The following MLLT3 variants were observed in gnomAD, a reference collection of about 807,000 sequenced individuals.
MLLT3 encodes the protein MLLT3 super elongation complex subunit, also known as protein AF-9.
A neutral mutation model predicts 53.2 loss-of-function variants in MLLT3; 4 were observed. The ratio of observed to expected loss-of-function variants is 0.08; its 90% CI spans 0.04 to 0.17. The LOEUF (loss-of-function observed/expected upper bound fraction) is 0.17, where lower values mean the gene tolerates loss of function less well. Ranked by LOEUF, MLLT3 falls within the 10% of genes least tolerant of loss-of-function variation. The pLI is 1.00. For missense variants in MLLT3, 569 were observed against 684.0 expected (o/e 0.83, Z 1.87); for synonymous variants, 283 against 230.6 (o/e 1.23, Z -2.06).
chr9:20,374,933 A>C (rs1026550798), intron 5 of MLLT3, among the ~76,000 whole-genome samples: 4 of 152,214 alleles, frequency 2.6e-5, no homozygotes, highest in African/African-American at 9.7e-5. Flanking sequence ...TGAGGTCATG[A>C]ACGTAGGGCC....
intron 2 of MLLT3, among the ~76,000 whole-genome samples, chr9:20,594,687 G>A (rs1174875407): frequency 2.6e-5 from 4 of 152,050 alleles, no homozygotes; most frequent in Non-Finnish European, 4.4e-5. Context: ...GCCAAAACCC[G>A]CCAAAACCCA....
chr9:20,528,144 T>A (rs1034289445), intron 2 of MLLT3, among the ~76,000 whole-genome samples: 14 of 152,216 alleles, frequency 9.2e-5, no homozygotes, highest in Admixed American at 2.0e-4. Flanking sequence ...CTAATGAGCA[T>A]CTAATTGAGG....
At chr9:20,574,160 A>G (rs1196022794) in intron 2 of MLLT3, among the ~76,000 whole-genome samples, 2 of 152,212 alleles carry the variant, frequency 1.3e-5, no homozygotes, top group Non-Finnish European at 2.9e-5. Flanking sequence ...TGCATTTCTA[A>G]CAAGTTCCTA....
rs1368919491 is a variant in MLLT3, at chr9:20,566,011, T to TA, written c.193+54642_193+54643insT. Among the ~76,000 whole-genome samples the TA allele has an allele frequency of 3.8e-5, 5 of 130,986 alleles. 1 individual carries two copies. In the South Asian group the frequency reaches 6.6e-4, roughly 17 times the overall value. The allele number at this position is 130,986 out of a possible 152,430, so 85.9% of individuals were successfully genotyped here. On this transcript the variant is annotated intron_variant, in intron 2 of 10. Coordinates refer to ENST00000380338, the MANE Select transcript of MLLT3 (RefSeq NM_004529.4). ...ATTTATATATTTATTTATATATATA[T>TA]TTTTATATATATTTATTTATATTTA...
chr9:20,360,518 T>G (rs886189611), intron 8 of MLLT3, among the ~76,000 whole-genome samples: 10 of 152,242 alleles, frequency 6.6e-5, no homozygotes, highest in African/African-American at 1.9e-4. Context: ...CTTATTGTAC[T>G]AACTTAATTA....
At chr9:20,493,502 ATT>A (rs890197033) in intron 2 of MLLT3, among the ~76,000 whole-genome samples, 4 of 152,054 alleles carry the variant, frequency 2.6e-5, no homozygotes, top group Non-Finnish European at 4.4e-5. Flanking sequence ...AAGAATGTAA[ATT>A]TAAGTTCTGG....
intron 2 of MLLT3, among the ~76,000 whole-genome samples, chr9:20,570,358 A>G (rs750587506): frequency 3.9e-5 from 6 of 152,224 alleles, no homozygotes; most frequent in Non-Finnish European, 8.8e-5. Flanking sequence ...GCAGAGTCAA[A>G]GTACTGTGTT....
chr9:20,607,057 T>C (rs1396028015), intron 2 of MLLT3, among the ~76,000 whole-genome samples: 1 of 152,084 alleles, frequency 6.6e-6, no homozygotes, highest in Non-Finnish European at 1.5e-5. Flanking sequence ...AAGGGCCATT[T>C]GTACACTATC....
intron 2 of MLLT3, among the ~76,000 whole-genome samples, 180 bp from the exon 3 acceptor site, chr9:20,456,966 A>T (rs1823985763): frequency 6.6e-6 from 1 of 152,130 alleles, no homozygotes. Flanking sequence ...CTATAACAAT[A>T]ATTGCTCTTA....
At chr9:20,615,360 G>GAAAAAAAAAAAA (rs10601830) in intron 2 of MLLT3, among the ~76,000 whole-genome samples, 6 of 48,774 alleles carry the variant, frequency 1.2e-4, no homozygotes, top group East Asian at 8.2e-4. Flanking sequence ...CAGACCATGT[G>GAAAAAAAAAAAA]AAAAAAAAAA....
chr9:20,488,311 T>C (rs187432321), intron 2 of MLLT3, among the ~76,000 whole-genome samples: 5 of 152,094 alleles, frequency 3.3e-5, no homozygotes, highest in Non-Finnish European at 4.4e-5. Flanking sequence ...AATGTGAATA[T>C]GCTTAATGAC....
chr9:20,365,585 T>C, intron 6 of MLLT3, 84 bp downstream of exon 6: 4 of 1,472,226 alleles, frequency 2.7e-6, no homozygotes, highest in Non-Finnish European at 3.8e-6. Context: ...CCTGACCTCT[T>C]GATCCACCCG....
chr9:20,585,891 A>C (rs1386752894), intron 2 of MLLT3, among the ~76,000 whole-genome samples: 6 of 152,176 alleles, frequency 3.9e-5, no homozygotes, highest in African/African-American at 7.2e-5. Context: ...AGACTGCTAT[A>C]ATTGAGGGAG....
Position 20,620,621 on chromosome 9 carries a change from T to G in MLLT3, c.193+33A>C. 6.9e-6 allele frequency: 11 copies of G among 1,595,122 alleles called. No individual in the cohort carries two copies. The highest frequency in any genetic ancestry group is 9.4e-6 in the Non-Finnish European group (11 of 1,166,970). ...GCCAAGCGATTGTTTCAAAGACATT[T>G]TTTATCAAGACCCTTTTGTATTCGA... On this transcript the variant is annotated intron_variant, in intron 2 of 10. Transcript: ENST00000380338. The surrounding 1 kb of genome is among the most constrained non-coding windows in gnomAD (Gnocchi z 6.1).
At chr9:20,363,332 A>C (rs1447441846) in intron 7 of MLLT3, 144 bp downstream of exon 7, 1 of 910,450 alleles carries the variant, frequency 1.1e-6, no homozygotes, top group Non-Finnish European at 1.7e-6. Context: ...GTGTGTAGGC[A>C]TACCAAGGAG....
chr9:20,370,540 C>T (rs779385171), intron 5 of MLLT3, among the ~76,000 whole-genome samples: 7 of 151,602 alleles, frequency 4.6e-5, no homozygotes, highest in Non-Finnish European at 7.4e-5. Flanking sequence ...GACAGAGTTT[C>T]GCTCTTGTTG....
At chr9:20,522,713 G>A (rs960359030) in intron 2 of MLLT3, among the ~76,000 whole-genome samples, 4 of 151,980 alleles carry the variant, frequency 2.6e-5, no homozygotes, top group African/African-American at 9.7e-5. Context: ...GCTGTCAAGA[G>A]AATCAAAAGA....
chr9:20,391,531 G>A (rs1035777733), intron 5 of MLLT3, among the ~76,000 whole-genome samples: 62 of 152,224 alleles, frequency 4.1e-4, no homozygotes, highest in African/African-American at 1.2e-3. Context: ...GAGCCTAGGC[G>A]GATCAAAGAG....
chr9:20,435,383 A>G (rs376391143), intron 4 of MLLT3, among the ~76,000 whole-genome samples: 20 of 152,180 alleles, frequency 1.3e-4, no homozygotes, highest in African/African-American at 4.6e-4. Context: ...GATTATTCCA[A>G]TCCTATTAAA....
Sources: gnomAD v4.1 joint callset for allele counts (sites outside exome capture counted in the v4.1 genomes callset) on GRCh38, gnomAD v4.1.1 for gene constraint, Gnocchi (gnomAD v3.1) non-coding constraint, MANE v1.5 for transcripts, NCBI Gene and HGNC (gene_info 2026-07-23, HGNC 2026-07-21) for gene names.